The following LCLAT1 variants were observed in gnomAD, a reference collection of about 807,000 sequenced individuals.
LCLAT1 encodes the protein 1-AGP acyltransferase 8.
In LCLAT1, 11 loss-of-function variants were observed where a neutral mutation model predicts 30.7. The observed-to-expected ratio is 0.36, with a 90% CI of 0.23 to 0.59. LCLAT1 has a LOEUF of 0.59. Among genes scored for constraint, LCLAT1 ranks in the 20% least tolerant of loss-of-function variants. The pLI, the probability that LCLAT1 is intolerant of heterozygous loss-of-function variation, is 0.77. For synonymous variants in LCLAT1, 155 were observed against 151.3 expected, an observed-to-expected ratio of 1.02 and a Z score of -0.18; for missense variants, 402 against 458.6, an observed-to-expected ratio of 0.88 and a Z score of 1.13.
rs1264207536 is a variant in LCLAT1 at position 30,642,509 on chromosome 2, C to T, written c.*1890C>T. 1 of 150,178 alleles carries T rather than the reference C, an allele frequency of 6.7e-6. No individual in the cohort carries two copies. Among genetic ancestry groups the T allele is most frequent in the Non-Finnish European group, 1.5e-5 (1 of 67,766 alleles). The allele number at this position is 150,178 out of a possible 1,614,324, so 9.3% of individuals were successfully genotyped here. ...GATTTCCTTTGGTTGTATTTAGAAA[C>T]ACAAATAGTTTTATAATCAGGATTG... On this transcript the variant is annotated 3_prime_UTR_variant, in exon 6 of 6. Coordinates refer to ENST00000379509, the MANE Select transcript of LCLAT1 (RefSeq NM_001002257.3).
chr2:30,454,575 C>T (rs984341193), intron 1 of LCLAT1, among the ~76,000 whole-genome samples: 5 of 152,060 alleles, frequency 3.3e-5, no homozygotes, highest in Non-Finnish European at 2.9e-5. Flanking sequence ...CTCAAGCTTC[C>T]CAGAGTAGCT....
chr2:30,639,890 C>A (rs73922674), intron 5 of LCLAT1, among the ~76,000 whole-genome samples: 75 of 152,260 alleles, frequency 4.9e-4, no homozygotes, highest in African/African-American at 1.8e-3. Context: ...AAGATATTTT[C>A]TTTCTAAATA....
intron 5 of LCLAT1, among the ~76,000 whole-genome samples, chr2:30,627,028 C>T (rs958333370): frequency 2.0e-5 from 3 of 152,094 alleles, no homozygotes; most frequent in African/African-American, 7.2e-5. Flanking sequence ...TTTATAAATG[C>T]TCATGGTTAC....
At chr2:30,607,136 G>A (rs1418705473) in intron 5 of LCLAT1, 2 of 152,080 alleles carry the variant, frequency 1.3e-5, no homozygotes, top group Non-Finnish European at 2.9e-5. Flanking sequence ...CATTGTTGGT[G>A]GGAATGTATA....
chr2:30,521,572 A>G (rs1178398179), intron 1 of LCLAT1, among the ~76,000 whole-genome samples: 4 of 120,084 alleles, frequency 3.3e-5, no homozygotes, highest in African/African-American at 1.3e-4. Context: ...CAGTGGCACC[A>G]TCTTGGCTCA....
intron 3 of LCLAT1, among the ~76,000 whole-genome samples, chr2:30,550,816 A>C (rs766379098): frequency 1.1e-4 from 17 of 152,106 alleles, no homozygotes; most frequent in Non-Finnish European, 2.5e-4. Flanking sequence ...ATTTATATAT[A>C]TTATTCATAC....
chr2:30,620,809 G>GA (rs1402122268), intron 5 of LCLAT1, among the ~76,000 whole-genome samples: 2 of 152,104 alleles, frequency 1.3e-5, no homozygotes, highest in Non-Finnish European at 2.9e-5. Context: ...CTGGAGACTA[G>GA]AAATTCAAAA....
chr2:30,474,826 A>T (rs569283023), intron 1 of LCLAT1, among the ~76,000 whole-genome samples: 51 of 151,358 alleles, frequency 3.4e-4, no homozygotes, highest in African/African-American at 1.1e-3. Flanking sequence ...TTTTTAAAAA[A>T]TTTTTTGTAG....
intron 3 of LCLAT1, among the ~76,000 whole-genome samples, chr2:30,538,533 G>A (rs1397804786): frequency 6.6e-6 from 1 of 152,066 alleles, no homozygotes; most frequent in East Asian, 1.9e-4. Context: ...TCCTTGGGAG[G>A]CTGAGGCAGG....
chr2:30,575,753 G>T (rs1191905718), intron 5 of LCLAT1, among the ~76,000 whole-genome samples: 1 of 152,028 alleles, frequency 6.6e-6, no homozygotes, highest in Non-Finnish European at 1.5e-5. Context: ...AATTCAATAT[G>T]GAAATGTGGT....
chr2:30,475,369 G>A (rs1160999055), intron 1 of LCLAT1, among the ~76,000 whole-genome samples: 2 of 152,116 alleles, frequency 1.3e-5, no homozygotes, highest in East Asian at 3.8e-4. Flanking sequence ...TGACTTGGAG[G>A]CTGGCTGCAA....
intron 1 of LCLAT1, among the ~76,000 whole-genome samples, chr2:30,501,163 G>T (rs560965396): frequency 6.6e-6 from 1 of 151,452 alleles, no homozygotes; most frequent in South Asian, 2.1e-4. Context: ...GATTCTAGTT[G>T]GGCAAGAAGG....
chr2:30,536,279 T>G (rs1346052650), intron 3 of LCLAT1, among the ~76,000 whole-genome samples: 2 of 152,180 alleles, frequency 1.3e-5, no homozygotes, highest in African/African-American at 4.8e-5. Flanking sequence ...GACATCCAGA[T>G]ACAGGAAGCC....
At chr2:30,547,444 C>G (rs1044782610) in intron 3 of LCLAT1, among the ~76,000 whole-genome samples, 1 of 152,166 alleles carries the variant, frequency 6.6e-6, no homozygotes, top group East Asian at 1.9e-4. Context: ...GTGATGCACA[C>G]ATCCTATGAC....
chr2:30,618,153 G>A (rs1668082311), intron 5 of LCLAT1, among the ~76,000 whole-genome samples: 1 of 152,070 alleles, frequency 6.6e-6, no homozygotes, highest in South Asian at 2.1e-4. Flanking sequence ...GTACAATATT[G>A]TCTCGATTAC....
At chr2:30,614,760 A>G (rs1347875657) in intron 5 of LCLAT1, among the ~76,000 whole-genome samples, 1 of 152,130 alleles carries the variant, frequency 6.6e-6, no homozygotes, top group Non-Finnish European at 1.5e-5. Flanking sequence ...GCAAGACTGA[A>G]AGAGATCACC....
chr2:30,475,922 G>A (rs1683021100), intron 1 of LCLAT1, among the ~76,000 whole-genome samples: 1 of 152,160 alleles, frequency 6.6e-6, no homozygotes, highest in African/African-American at 2.4e-5. Flanking sequence ...TCCACTATGA[G>A]TCTTATTTTT....
intron 1 of LCLAT1, among the ~76,000 whole-genome samples, chr2:30,493,697 C>T (rs1212039715): frequency 6.6e-6 from 1 of 152,202 alleles, no homozygotes; most frequent in East Asian, 1.9e-4. Flanking sequence ...TAACCCCTAG[C>T]AACCACTGAT....
chr2:30,481,346 T>TA (rs1486983821), intron 1 of LCLAT1, among the ~76,000 whole-genome samples: 1 of 152,132 alleles, frequency 6.6e-6, no homozygotes, highest in Non-Finnish European at 1.5e-5. Context: ...GTGTTGGAGA[T>TA]ATTTTGGTAA....
Sources: allele counts gnomAD v4.1 joint callset (sites outside exome capture counted in the v4.1 genomes callset), GRCh38; gene constraint gnomAD v4.1.1; transcripts MANE v1.5; gene names NCBI Gene and HGNC (gene_info 2026-07-23, HGNC 2026-07-21).